The following SUV39H2 variants were observed in gnomAD, a reference collection of about 807,000 sequenced individuals.
The protein encoded by SUV39H2 is SUV39H2 histone lysine methyltransferase.
Under a neutral mutation model 47.5 loss-of-function variants are expected in SUV39H2, and 10 were observed. That is an observed-to-expected ratio of 0.21 (90% CI 0.13 to 0.36). SUV39H2 has a LOEUF of 0.36. Ranked by LOEUF, SUV39H2 falls within the 10% of genes least tolerant of loss-of-function variation. The pLI is 1.00. For missense variants in SUV39H2, 266 were observed against 487.4 expected, an observed-to-expected ratio of 0.55 and a Z score of 4.28; for synonymous variants, 159 against 166.8, an observed-to-expected ratio of 0.95 and a Z score of 0.36.
chr10:14,880,727 G>T (rs1333818662), intron 1 of SUV39H2, among the ~76,000 whole-genome samples: 1 of 152,178 alleles, frequency 6.6e-6, no homozygotes, highest in Non-Finnish European at 1.5e-5. Context: ...GGTTTCTGGA[G>T]GGTTGATGAT....
At chr10:14,899,739 G>C in intron 4 of SUV39H2, 54 bp downstream of exon 4, 1 of 1,579,786 alleles carries the variant, frequency 6.3e-7, no homozygotes, top group Non-Finnish European at 8.6e-7. Context: ...CCTAGTACTA[G>C]TTTCCATAGC....
At chr10:14,896,761 C>A in intron 2 of SUV39H2, 85 bp from the exon 3 acceptor site, 1 of 1,201,828 alleles carries the variant, frequency 8.3e-7, no homozygotes, top group Non-Finnish European at 1.2e-6. Context: ...TATTGGATAC[C>A]TTACTCTTTA....
intron 2 of SUV39H2, among the ~76,000 whole-genome samples, chr10:14,893,623 T>C (rs1225986256): frequency 6.6e-6 from 1 of 152,258 alleles, no homozygotes; most frequent in Non-Finnish European, 1.5e-5. Context: ...AAATATCTTT[T>C]CTGGATTTTA....
intron 2 of SUV39H2, among the ~76,000 whole-genome samples, chr10:14,895,715 A>G (rs1007011328): frequency 6.6e-6 from 1 of 152,210 alleles, no homozygotes; most frequent in Non-Finnish European, 1.5e-5. Flanking sequence ...AGAGCTGTCC[A>G]ATAGAAATGT....
chr10:14,896,054 A>G (rs1046682297), intron 2 of SUV39H2, among the ~76,000 whole-genome samples: 2 of 151,340 alleles, frequency 1.3e-5, no homozygotes, highest in Non-Finnish European at 2.9e-5. Context: ...AGCGATTCTC[A>G]TGCCTCACCC....
At chr10:14,899,322 A>T in intron 3 of SUV39H2, 2 of 688,044 alleles carry the variant, frequency 2.9e-6, no homozygotes, top group Non-Finnish European at 5.2e-6. Context: ...CCTGTTTAAA[A>T]AAAAAAGGTC....
intron 2 of SUV39H2, among the ~76,000 whole-genome samples, chr10:14,891,151 AT>A (rs1304693801): frequency 6.6e-6 from 1 of 152,314 alleles, no homozygotes; most frequent in East Asian, 1.9e-4. Flanking sequence ...AAGAGGTGAT[AT>A]TTACACCGTT....
intron 1 of SUV39H2, among the ~76,000 whole-genome samples, chr10:14,880,673 A>G (rs371911592): frequency 1.1e-4 from 17 of 152,334 alleles, no homozygotes; most frequent in African/African-American, 3.8e-4. Context: ...CATGCTGCTT[A>G]CAGAAATTTG....
At chr10:14,897,636 T>C (rs1833677146) in intron 3 of SUV39H2, 119 bp downstream of exon 3, 2 of 905,328 alleles carry the variant, frequency 2.2e-6, no homozygotes, top group East Asian at 3.0e-5. Context: ...TTTGCAGATA[T>C]GTAGAAATTT....
intron 1 of SUV39H2, among the ~76,000 whole-genome samples, chr10:14,880,592 A>C (rs1232087505): frequency 2.0e-5 from 3 of 152,204 alleles, no homozygotes; most frequent in Non-Finnish European, 2.9e-5. Context: ...TTACCATGAC[A>C]CTAGCCCTAA....
At chr10:14,894,572 T>G (rs1833504265) in intron 2 of SUV39H2, among the ~76,000 whole-genome samples, 1 of 62,344 alleles carries the variant, frequency 1.6e-5, no homozygotes, top group Admixed American at 1.6e-4. Flanking sequence ...TTTCACCGTG[T>G]TAGCCAAGAT....
chr10:14,897,034 C>T lies in SUV39H2; in HGVS notation c.366C>T (p.Ala122=), dbSNP rs1408206898. 1 of 1,614,060 alleles carries T rather than the reference C, an allele frequency of 6.2e-7. No homozygotes were observed. Among genetic ancestry groups the T allele is most frequent in the Non-Finnish European group, 8.5e-7 (1 of 1,180,016 alleles). The change falls in exon 3 of 6, where the codon GCC becomes GCT. Residue 122 remains alanine (A), a synonymous_variant. Transcript: ENST00000354919. ...ACAATAACAAAACTTTGAAACCTGC[C>T]ATTGCTGAGTACATTGTGAAGAAGG... is the stretch of plus-strand genomic sequence containing the variant. The part of the protein sequence containing the change: ...PKDNNKTLKP[A]IAEYIVKKAK...
chr10:14,892,795 G>C (rs1328019843), intron 2 of SUV39H2, among the ~76,000 whole-genome samples: 1 of 150,752 alleles, frequency 6.6e-6, no homozygotes, highest in African/African-American at 2.4e-5. Context: ...AACTGACACC[G>C]AAGATAGTTG....
chr10:14,883,989 ATGT>A (rs1309760210), intron 2 of SUV39H2, among the ~76,000 whole-genome samples: 1 of 152,208 alleles, frequency 6.6e-6, no homozygotes, highest in African/African-American at 2.4e-5. Context: ...GGGTTCATTC[ATGT>A]TGTGAAATAT....
chr10:14,887,794 T>C (rs1402220184), intron 2 of SUV39H2, among the ~76,000 whole-genome samples: 7 of 152,230 alleles, frequency 4.6e-5, no homozygotes, highest in African/African-American at 7.2e-5. Flanking sequence ...AAAGTACTTA[T>C]TGTAGTTGAC....
rs4750564 is a variant in SUV39H2, at chr10:14,889,867, A to C, written c.178-6979A>C. ...TCTCAATGCAAGGTGATTTTTCTGCAGCATTATTGTTGCTACATCACCCCT... is the reference window on the plus strand; with the variant it reads ...TCTCAATGCAAGGTGATTTTTCTGCCGCATTATTGTTGCTACATCACCCCT... On this transcript the variant is annotated intron_variant, in intron 2 of 5. Coordinates refer to ENST00000354919, the MANE Select transcript of SUV39H2 (RefSeq NM_001193424.2). Among the ~76,000 whole-genome samples the C allele has an allele frequency of 1.4e-3, 216 of 152,334 alleles. 1 individual carries two copies. The highest frequency in any genetic ancestry group is 2.1e-3 in the Non-Finnish European group (145 of 68,028).
rs1834155747 is a variant in SUV39H2 at position 14,903,454 on chromosome 10, G to GT, written c.*943dup. 1 of 152,202 alleles carries GT rather than the reference G, an allele frequency of 6.6e-6. No homozygotes were observed. Among genetic ancestry groups the GT allele is most frequent in the Admixed American group, 6.5e-5 (1 of 15,284 alleles). The allele number at this position is 152,202 out of a possible 1,614,324, so 9.4% of individuals were successfully genotyped here. A position where few individuals can be genotyped will look rare whatever the true frequency, so the allele number is the denominator to read the frequency against. ...TACAGCCTCTCAATTTCAGGCAGGT[G>GT]TAACAGTTCCTTTCCACCAGATTTA... On this transcript the variant is annotated 3_prime_UTR_variant, in exon 6 of 6. Transcript: ENST00000354919.
Position 14,903,247 on chromosome 10 carries a change from A to T in SUV39H2, c.*735A>T, listed in dbSNP as rs1834141140. 6.6e-6 allele frequency: 1 copy of T among 152,196 alleles called. No individual in the cohort carries two copies. Among genetic ancestry groups the T allele is most frequent in the South Asian group, 2.1e-4 (1 of 4,828 alleles). The allele number at this position is 152,196 out of a possible 1,614,324, so 9.4% of individuals were successfully genotyped here. A position where few individuals can be genotyped will look rare whatever the true frequency, so the allele number is the denominator to read the frequency against. The stretch of plus-strand genomic sequence containing the variant: ...ATGGCTAGCCATTATGCTTCTTTGA[A>T]AGGACATGATAATGGGACCAGGATG... On this transcript the variant is annotated 3_prime_UTR_variant, in exon 6 of 6. Coordinates refer to ENST00000354919, the MANE Select transcript of SUV39H2 (RefSeq NM_001193424.2).
At chr10:14,894,071 T>A (rs1482072362) in intron 2 of SUV39H2, among the ~76,000 whole-genome samples, 1 of 152,198 alleles carries the variant, frequency 6.6e-6, no homozygotes, top group Non-Finnish European at 1.5e-5. Flanking sequence ...AGTAGAAAAG[T>A]TAGATGCTGC....
Sources: gnomAD v4.1 joint callset for allele counts (sites outside exome capture counted in the v4.1 genomes callset) on GRCh38, gnomAD v4.1.1 for gene constraint, MANE v1.5 for transcripts, NCBI Gene and HGNC (gene_info 2026-07-23, HGNC 2026-07-21) for gene names.